PM20D2: variants seen among roughly 807,000 people sequenced by gnomAD.
PM20D2 encodes the protein xaa-Arg dipeptidase.
A neutral mutation model predicts 42.9 loss-of-function variants in PM20D2; 33 were observed. The observed-to-expected ratio is 0.77, with a 90% confidence interval of 0.58 to 1.03. The LOEUF is 1.03. Among genes scored for constraint, PM20D2 ranks in the 50% least tolerant of loss-of-function variants. The pLI is 0.00. For missense variants in PM20D2, 548 were observed against 557.0 expected (o/e 0.98, Z 0.16); for synonymous variants, 250 against 228.2 (o/e 1.10, Z -0.86).
At chr6:89,144,222 T>G (rs1770440245), upstream of PM20D2, among the ~76,000 whole-genome samples, 1 of 140,118 alleles carries the variant, frequency 7.1e-6, no homozygotes, top group African/African-American at 2.7e-5. Context: ...CTGTCTTTCC[T>G]CTACCTCAAG....
chr6:89,122,148 A>C, the PM20D2 span, among the ~76,000 whole-genome samples: 1 of 152,198 alleles, frequency 6.6e-6, no homozygotes, highest in Non-Finnish European at 1.5e-5. Flanking sequence ...ACAATAACTT[A>C]CTGTCATTTA....
intron 2 of PM20D2, 68 bp from the exon 3 acceptor site, chr6:89,152,975 G>T: frequency 7.5e-7 from 1 of 1,341,178 alleles, no homozygotes; most frequent in South Asian, 1.5e-5. Flanking sequence ...GGGTAATTCT[G>T]ACTACCTGGA....
intron 5 of PM20D2, among the ~76,000 whole-genome samples, chr6:89,158,697 A>G (rs1771133999): frequency 6.6e-6 from 1 of 152,168 alleles, no homozygotes; most frequent in South Asian, 2.1e-4. Flanking sequence ...TGTATTCTAA[A>G]TATTTTCTAG....
chr6:89,094,736 T>A, the PM20D2 span, among the ~76,000 whole-genome samples: 2 of 151,628 alleles, frequency 1.3e-5, no homozygotes, highest in East Asian at 1.9e-4. Flanking sequence ...AAAGAAGAAA[T>A]TGACATTTGA....
At chr6:89,154,655 T>C in intron 3 of PM20D2, 93 bp from the exon 4 acceptor site, 1 of 900,784 alleles carries the variant, frequency 1.1e-6, no homozygotes. Flanking sequence ...TATTTTTCTT[T>C]ATGAACATAT....
Position 89,164,413 on chromosome 6 carries a change from T to C in PM20D2, c.*2150T>C, listed in dbSNP as rs1407350767. On this transcript the variant is annotated 3_prime_UTR_variant, in exon 7 of 7. Transcript: ENST00000275072. ...AGATTAACATAATTTCTTTGGTTTTTCTATTGCTTGTTATTATTATGTAAA... is the reference window on the plus strand; with the variant it reads ...AGATTAACATAATTTCTTTGGTTTTCCTATTGCTTGTTATTATTATGTAAA... 6.6e-6 allele frequency: 1 copy of C among 152,620 alleles called. No individual in the cohort carries two copies. Among genetic ancestry groups the C allele is most frequent in the African/African-American group, 2.4e-5 (1 of 41,448 alleles). The allele number at this position is 152,620 out of a possible 1,614,324, so 9.5% of individuals were successfully genotyped here.
chr6:89,099,537 TG>T, the PM20D2 span, among the ~76,000 whole-genome samples: 2 of 71,090 alleles, frequency 2.8e-5, no homozygotes, highest in Non-Finnish European at 5.9e-5. Context: ...CACACATACA[TG>T]TTTTTTTTTT....
chr6:89,108,884 T>C, the PM20D2 span, among the ~76,000 whole-genome samples: 1 of 152,210 alleles, frequency 6.6e-6, no homozygotes, highest in South Asian at 2.1e-4. Context: ...CAACAAAAAT[T>C]GACTAAGCAT....
At position 89,164,886 on chromosome 6, in the gene PM20D2, T is replaced by C. The variant is rs1043445209; in HGVS notation, c.*2623T>C. 2.6e-4 allele frequency: 39 copies of C among 150,074 alleles called. No homozygotes were observed. Among genetic ancestry groups the C allele is most frequent in the African/African-American group, 9.0e-4 (37 of 40,930 alleles). 9.3% of individuals were successfully genotyped at this position (150,074 alleles called of 1,614,324 possible). A position where few individuals can be genotyped will look rare whatever the true frequency, so the allele number is the denominator to read the frequency against. Reference sequence around the variant, plus strand: ...TTTTCAATATAATTTGGAGACCCTTTGTTATCCAAATAAAATTGATGAGTT... The same window carrying C: ...TTTTCAATATAATTTGGAGACCCTTCGTTATCCAAATAAAATTGATGAGTT... On this transcript the variant is annotated 3_prime_UTR_variant, in exon 7 of 7. Transcript: ENST00000275072.
the PM20D2 span, chr6:89,118,190 G>GGGCCCTA: frequency 2.6e-5 from 4 of 152,478 alleles, no homozygotes; most frequent in Non-Finnish European, 4.4e-5. Context: ...GGGTCCTGGA[G>GGGCCCTA]TGCGACGGGA....
the PM20D2 span, among the ~76,000 whole-genome samples, chr6:89,100,641 A>C: frequency 6.6e-6 from 1 of 152,190 alleles, no homozygotes; most frequent in Non-Finnish European, 1.5e-5. Context: ...AATTACTATG[A>C]GTAATATATT....
upstream of PM20D2, among the ~76,000 whole-genome samples, chr6:89,141,996 A>ATTTTATTTTATTTTATT (rs1269141670): frequency 6.6e-5 from 10 of 151,526 alleles, no homozygotes; most frequent in African/African-American, 2.4e-4. Context: ...ATTTTATTTT[A>ATTTTATTTTATTTTATT]TTTTTTGTAG....
chr6:89,125,978 T>A, the PM20D2 span, among the ~76,000 whole-genome samples: 1 of 151,752 alleles, frequency 6.6e-6, no homozygotes, highest in Non-Finnish European at 1.5e-5. Flanking sequence ...CCCAGCTACT[T>A]GAGAGGCTGA....
At chr6:89,143,243 G>A (rs1770400468), upstream of PM20D2, among the ~76,000 whole-genome samples, 2 of 152,116 alleles carry the variant, frequency 1.3e-5, no homozygotes, top group South Asian at 4.1e-4. Flanking sequence ...TGAATCTGAA[G>A]CCCAAAATAA....
At chr6:89,147,892 TA>T (rs200954837) in intron 1 of PM20D2, among the ~76,000 whole-genome samples, 185 of 137,974 alleles carry the variant, frequency 1.3e-3, no homozygotes, top group Admixed American at 1.4e-3. Flanking sequence ...GGCCTCCTCT[TA>T]AAAAAAAAAA....
In PM20D2 at chr6:89,162,128, C is replaced by G; in HGVS notation, c.1176C>G (p.Phe392Leu). 2 of 1,613,530 alleles carry G rather than the reference C, an allele frequency of 1.2e-6. No individual in the cohort carries two copies. The highest frequency in any genetic ancestry group is 1.7e-6 in the Non-Finnish European group (2 of 1,179,870). ...TTTTAGGGTCACAGGAAGCTCAGTT[C>G]TACACTCTGCGGACGGCCAAAGCTC... The part of the protein sequence containing the change: ...TEAAGSQEAQ[F>L]YTLRTAKALA... The change falls in exon 7 of 7, where the codon TTC becomes TTG. Residue 392 changes from phenylalanine to leucine, a missense_variant. Physicochemically the swap from Phe to Leu is conservative, Grantham distance 22 (BLOSUM62 0). Around this residue, in one of 3 missense-constraint regions of PM20D2, gnomAD observed 71 missense variants for 69.7 expected, o/e 1.02. Coordinates refer to ENST00000275072, the MANE Select transcript of PM20D2 (RefSeq NM_001010853.3).
the PM20D2 span, chr6:89,106,859 T>G: frequency 7.3e-6 from 3 of 413,008 alleles, no homozygotes; most frequent in Admixed American, 6.4e-5. Flanking sequence ...GATAAAGACT[T>G]CCCCTCTTCC....
the PM20D2 span, among the ~76,000 whole-genome samples, chr6:89,099,228 C>A: frequency 1.3e-5 from 2 of 151,516 alleles, no homozygotes; most frequent in Non-Finnish European, 2.9e-5. Flanking sequence ...AGTTATACAG[C>A]TCTTAAGAGG....
In PM20D2 at chr6:89,165,188, T is replaced by C. The variant is rs1327580122; in HGVS notation, c.*2925T>C. ...GTCTAATTTTGTAATATGTTGTTTT[T>C]TAAAAACCTGTCTGATGGTGTTTTA... On this transcript the variant is annotated 3_prime_UTR_variant, in exon 7 of 7. Coordinates refer to ENST00000275072, the MANE Select transcript of PM20D2 (RefSeq NM_001010853.3). The C allele has an allele frequency of 6.6e-6, 1 of 152,108 alleles. No homozygotes were observed. The allele number at this position is 152,108 out of a possible 1,614,324, so 9.4% of individuals were successfully genotyped here.
Sources: gnomAD v4.1 joint callset for allele counts (sites outside exome capture counted in the v4.1 genomes callset) on GRCh38, gnomAD v4.1.1 for gene constraint, gnomAD v4.1.1 regional missense constraint, MANE v1.5 for transcripts, NCBI Gene and HGNC (gene_info 2026-07-23, HGNC 2026-07-21) for gene names.